ZDHHC14: variants seen among roughly 807,000 people sequenced by gnomAD.
ZDHHC14 encodes zDHHC palmitoyltransferase 14, also known as palmitoyltransferase ZDHHC14.
Under a neutral mutation model 47.7 loss-of-function variants are expected in ZDHHC14, and 16 were observed. The ratio of observed to expected loss-of-function variants is 0.34; its 90% CI spans 0.23 to 0.51. The LOEUF is 0.51. Among genes scored for constraint, ZDHHC14 ranks in the 20% least tolerant of loss-of-function variants. The pLI is 0.97. For missense variants in ZDHHC14, 515 were observed against 662.5 expected, an observed-to-expected ratio of 0.78 and a Z score of 2.44; for synonymous variants, 293 against 278.9, an observed-to-expected ratio of 1.05 and a Z score of -0.50.
intron 1 of ZDHHC14, among the ~76,000 whole-genome samples, chr6:157,450,998 T>TGTGTGTGTGTGTGTGTG (rs1778790385): frequency 6.8e-6 from 1 of 147,528 alleles, no homozygotes; most frequent in Non-Finnish European, 1.5e-5. Flanking sequence ...AAGTCTGGTC[T>TGTGTGTGTGTGTGTGTG]TGTGTGTGTG....
At chr6:157,485,566 G>A (rs1583695391) in intron 1 of ZDHHC14, among the ~76,000 whole-genome samples, 1 of 152,050 alleles carries the variant, frequency 6.6e-6, no homozygotes, top group East Asian at 1.9e-4. Flanking sequence ...TTCCCACATT[G>A]ATTTTGCATT....
At chr6:157,560,191 T>C (rs923787174) in intron 2 of ZDHHC14, among the ~76,000 whole-genome samples, 1 of 152,204 alleles carries the variant, frequency 6.6e-6, no homozygotes, top group African/African-American at 2.4e-5. Context: ...TTGCTGCACT[T>C]GCTGGGGAGC....
rs780747567 is a variant in ZDHHC14, at chr6:157,542,690, C to T, written c.351C>T (p.Pro117=). 3.1e-6 allele frequency: 5 copies of T among 1,614,028 alleles called. No homozygotes were observed. The highest frequency in any genetic ancestry group is 2.7e-5 in the African/African-American group (2 of 75,050). The change falls in exon 2 of 9, where the codon CCC becomes CCT. Residue 117 remains proline (P), a synonymous_variant. Transcript: ENST00000359775. ...GTLLRTSFSD[P]GVLPRATPDE... is the part of the protein sequence containing the mutation. ...TGCTCCGCACCAGCTTCAGCGACCC[C>T]GGAGTCCTCCCACGAGCCACGCCTG...
At chr6:157,663,243 T>A (rs1332743640) in intron 8 of ZDHHC14, among the ~76,000 whole-genome samples, 1 of 152,198 alleles carries the variant, frequency 6.6e-6, no homozygotes, top group Admixed American at 6.5e-5. Flanking sequence ...CAGGAGAGGA[T>A]GAGATGTGTT....
At chr6:157,488,640 CCT>C (rs765571046) in intron 1 of ZDHHC14, among the ~76,000 whole-genome samples, 14 of 152,100 alleles carry the variant, frequency 9.2e-5, no homozygotes, top group Non-Finnish European at 1.8e-4. Context: ...TCCTTGTAGC[CCT>C]CTTTCCCTCA....
At chr6:157,585,041 C>A (rs1181818360) in intron 2 of ZDHHC14, among the ~76,000 whole-genome samples, 1 of 151,960 alleles carries the variant, frequency 6.6e-6, no homozygotes, top group Non-Finnish European at 1.5e-5. Flanking sequence ...CCCGTCTCTA[C>A]TAAAAATACA....
At chr6:157,384,472 C>T (rs112727455) in intron 1 of ZDHHC14, among the ~76,000 whole-genome samples, 4 of 152,102 alleles carry the variant, frequency 2.6e-5, no homozygotes, top group Admixed American at 6.5e-5. Flanking sequence ...TAAATGTGTG[C>T]GCCGGGATTT....
intron 1 of ZDHHC14, among the ~76,000 whole-genome samples, chr6:157,518,133 G>A (rs865969118): frequency 1.3e-5 from 2 of 152,110 alleles, no homozygotes; most frequent in Admixed American, 1.3e-4. Flanking sequence ...CCATCCCTCC[G>A]TGGAAGGCCT....
intron 1 of ZDHHC14, among the ~76,000 whole-genome samples, chr6:157,390,358 T>A (rs748356244): frequency 1.3e-5 from 2 of 152,210 alleles, no homozygotes; most frequent in Non-Finnish European, 2.9e-5. Flanking sequence ...TGGAATATGA[T>A]AACATGCCTA....
chr6:157,395,975 C>G (rs1333720027), intron 1 of ZDHHC14, among the ~76,000 whole-genome samples: 3 of 152,090 alleles, frequency 2.0e-5, no homozygotes, highest in Admixed American at 1.3e-4. Flanking sequence ...TCCCTAAGAT[C>G]TCAGTGTATA....
intron 2 of ZDHHC14, among the ~76,000 whole-genome samples, chr6:157,558,141 T>A (rs1024772444): frequency 1.3e-5 from 2 of 152,250 alleles, no homozygotes; most frequent in Non-Finnish European, 2.9e-5. Context: ...ATTCTCTTTT[T>A]TTGTACTAAA....
At chr6:157,418,916 T>C (rs1583628447) in intron 1 of ZDHHC14, among the ~76,000 whole-genome samples, 2 of 152,368 alleles carry the variant, frequency 1.3e-5, no homozygotes, top group East Asian at 1.9e-4. Flanking sequence ...AGGGAACTTT[T>C]AGCAATTCAG....
intron 2 of ZDHHC14, among the ~76,000 whole-genome samples, chr6:157,557,181 C>T (rs1415726752): frequency 6.6e-6 from 1 of 152,204 alleles, no homozygotes; most frequent in Non-Finnish European, 1.5e-5. Context: ...AATATTGCAC[C>T]TGCGGGCCTA....
At chr6:157,554,327 G>A (rs1582931321) in intron 2 of ZDHHC14, among the ~76,000 whole-genome samples, 1 of 152,190 alleles carries the variant, frequency 6.6e-6, no homozygotes, top group African/African-American at 2.4e-5. Flanking sequence ...ATGAGTGGCA[G>A]CTCCACTAGG....
intron 1 of ZDHHC14, among the ~76,000 whole-genome samples, chr6:157,509,561 C>T (rs1249445775): frequency 6.6e-6 from 1 of 152,162 alleles, no homozygotes. Context: ...GGCAGTGTGT[C>T]TCCAGATACT....
At chr6:157,642,909 T>C (rs945809319) in intron 5 of ZDHHC14, among the ~76,000 whole-genome samples, 1 of 152,206 alleles carries the variant, frequency 6.6e-6, no homozygotes, top group African/African-American at 2.4e-5. Context: ...TCGCGAATCC[T>C]GGAGAAGCAG....
intron 1 of ZDHHC14, among the ~76,000 whole-genome samples, chr6:157,445,142 A>ACT (rs1406901967): frequency 1.0e-4 from 15 of 146,902 alleles, no homozygotes; most frequent in African/African-American, 2.6e-4. Context: ...ACACACACAC[A>ACT]CACTCTTCAT....
At chr6:157,458,323 G>C (rs150939882) in intron 1 of ZDHHC14, among the ~76,000 whole-genome samples, 15 of 152,162 alleles carry the variant, frequency 9.9e-5, no homozygotes, top group African/African-American at 3.4e-4. Flanking sequence ...AGCAGAGAGT[G>C]TTGCAGTTCG....
At chr6:157,600,967 G>A (rs780503284) in intron 3 of ZDHHC14, among the ~76,000 whole-genome samples, 6 of 152,222 alleles carry the variant, frequency 3.9e-5, no homozygotes, top group Non-Finnish European at 7.3e-5. Context: ...GAGATGCCGC[G>A]CAGGAGGCCT....
Sources: gnomAD v4.1 joint callset for allele counts (sites outside exome capture counted in the v4.1 genomes callset) on GRCh38, gnomAD v4.1.1 for gene constraint, MANE v1.5 for transcripts, NCBI Gene and HGNC (gene_info 2026-07-23, HGNC 2026-07-21) for gene names.